The following GLUD1 variants were observed in gnomAD, a reference collection of about 807,000 sequenced individuals.
GLUD1 encodes glutamate dehydrogenase 1, mitochondrial.
GLUD1 carries 22 observed loss-of-function variants against 56.0 expected under a neutral mutation model. The ratio of observed to expected loss-of-function variants is 0.39; its 90% CI spans 0.28 to 0.56. The LOEUF is 0.56. Among genes scored for constraint, GLUD1 ranks in the 20% least tolerant of loss-of-function variants. The pLI, the probability that GLUD1 is intolerant of heterozygous loss-of-function variation, is 0.58. For missense variants in GLUD1, 451 were observed against 732.0 expected (o/e 0.62, Z 4.43); for synonymous variants, 223 against 269.9 (o/e 0.83, Z 1.70).
At chr10:87,053,231 T>C (rs1292028943) in intron 12 of GLUD1, 111 bp downstream of exon 12, 12 of 769,760 alleles carry the variant, frequency 1.6e-5, no homozygotes, top group Non-Finnish European at 2.6e-5. Flanking sequence ...ATGAGGACCA[T>C]TGAACAGATT....
chr10:87,073,345 G>A (rs1312440897), intron 4 of GLUD1, among the ~76,000 whole-genome samples: 1 of 151,858 alleles, frequency 6.6e-6, no homozygotes, highest in African/African-American at 2.4e-5. Context: ...GTAGAGATGG[G>A]GTCTTGTAAT....
At chr10:87,092,585 C>T in intron 1 of GLUD1, 1 of 964,690 alleles carries the variant, frequency 1.0e-6, no homozygotes, top group Non-Finnish European at 1.2e-6. Context: ...GACTCACAAA[C>T]TATGGTAAAC....
chr10:87,075,937 A>C, intron 3 of GLUD1, 31 bp downstream of exon 3: 1 of 1,410,182 alleles, frequency 7.1e-7, no homozygotes, highest in Non-Finnish European at 1.0e-6. Flanking sequence ...CAACAACAAC[A>C]ATAAAAAACA....
At chr10:87,070,535 G>A (rs1324855229) in intron 4 of GLUD1, among the ~76,000 whole-genome samples, 3 of 152,170 alleles carry the variant, frequency 2.0e-5, no homozygotes, top group East Asian at 1.9e-4. Flanking sequence ...GGAGGCAGAC[G>A]TTGCAGTGAG....
At chr10:87,086,907 A>T (rs1246726358) in intron 1 of GLUD1, among the ~76,000 whole-genome samples, 7 of 152,086 alleles carry the variant, frequency 4.6e-5, no homozygotes, top group Non-Finnish European at 1.0e-4. Flanking sequence ...GGTTTTCCAC[A>T]CTAAGCAGTT....
At chr10:87,071,828 A>G (rs1846246363) in intron 4 of GLUD1, among the ~76,000 whole-genome samples, 1 of 152,248 alleles carries the variant, frequency 6.6e-6, no homozygotes. Flanking sequence ...GTCACTTACA[A>G]TAGCATTAAA....
In GLUD1 at chr10:87,051,435, A is replaced by G. The variant is rs1487424579; in HGVS notation, c.*316T>C. The G allele has an allele frequency of 2.4e-6, 1 of 424,350 alleles. No homozygotes were observed. Among genetic ancestry groups the G allele is most frequent in the Non-Finnish European group, 4.6e-6 (1 of 217,834 alleles). The allele number at this position is 424,350 out of a possible 1,614,324, so 26.3% of individuals were successfully genotyped here. ...CTGCTCTTGACTGTTCCTCCCCAGC[A>G]CTAGCACTGATTGTGTTGGGAAAAG... On this transcript the variant is annotated 3_prime_UTR_variant, in exon 13 of 13. Transcript: ENST00000277865.
Position 87,062,661 on chromosome 10 carries a change from C to T in GLUD1, c.916G>A (p.Val306Ile). The T allele has an allele frequency of 6.2e-7, 1 of 1,612,988 alleles. No individual in the cohort carries two copies. The highest frequency in any genetic ancestry group is 1.7e-4 in the Middle Eastern group (1 of 6,058). The change falls in exon 6 of 13, where the codon GTT becomes ATT. Residue 306 changes from valine (V) to isoleucine (I), a missense_variant. Coordinates refer to ENST00000277865, the MANE Select transcript of GLUD1 (RefSeq NM_005271.5). ...TPGFGDKTFV[V>I]QGFGNVGLHS... Reference sequence around the variant, plus strand: ...TTTTTTGTTTTTGTTTTTACCTGAACAACAAATGTTTTATCTCCAAACCCT... The same window carrying T: ...TTTTTTGTTTTTGTTTTTACCTGAATAACAAATGTTTTATCTCCAAACCCT...
chr10:87,060,071 A>G lies in GLUD1; in HGVS notation c.1278+90T>C, dbSNP rs935406893. On this transcript the variant is annotated intron_variant, in intron 9 of 12. Transcript: ENST00000277865. ...AAGATGAATTCACTAGAGCTTGGAG[A>G]CTAATAATTCCTCTCTTCCTCCAAA... is the stretch of plus-strand genomic sequence containing the variant. The G allele has an allele frequency of 3.6e-6, 3 of 842,772 alleles. No homozygotes were observed. In the African/African-American group the frequency reaches 5.0e-5, roughly 14 times the overall value. The allele number at this position is 842,772 out of a possible 1,614,324, so 52.2% of individuals were successfully genotyped here.
Position 87,053,209 on chromosome 10 carries a change from T to C in GLUD1, c.1557+133A>G, listed in dbSNP as rs1229319414. On this transcript the variant is annotated intron_variant, in intron 12 of 12. Coordinates refer to ENST00000277865, the MANE Select transcript of GLUD1 (RefSeq NM_005271.5). ...TCTGAGACTGAAAAAACATGTGTTT[T>C]GCTACACACAAATGAGGACCATTGA... 3 of 712,908 alleles carry C rather than the reference T, an allele frequency of 4.2e-6. No individual in the cohort carries two copies. The African/African-American group carries it at 5.2e-5, about 12-fold the overall frequency. 44.2% of individuals were successfully genotyped at this position (712,908 alleles called of 1,614,324 possible).
chr10:87,066,891 G>T (rs978042385), intron 5 of GLUD1, among the ~76,000 whole-genome samples: 1 of 152,168 alleles, frequency 6.6e-6, no homozygotes, highest in African/African-American at 2.4e-5. Flanking sequence ...CTCATGTTCA[G>T]TTCTGTGGTA....
chr10:87,070,084 T>C, intron 4 of GLUD1, among the ~76,000 whole-genome samples: 1 of 152,262 alleles, frequency 6.6e-6, no homozygotes, highest in East Asian at 1.9e-4. Flanking sequence ...GACAAATTGG[T>C]CCTGAATCTT....
chr10:87,063,115 T>C (rs190345734), intron 5 of GLUD1, among the ~76,000 whole-genome samples: 183 of 151,898 alleles, frequency 1.2e-3, no homozygotes, highest in African/African-American at 4.2e-3. Context: ...CTCTTGTTGC[T>C]CAGGCTGGAG....
chr10:87,076,159 C>T, intron 2 of GLUD1, 136 bp from the exon 3 acceptor site: 1 of 742,400 alleles, frequency 1.3e-6, no homozygotes, highest in East Asian at 2.5e-5. Flanking sequence ...AACCTACCAT[C>T]ATTTTCTAAA....
At chr10:87,080,367 A>G (rs1841188712) in intron 1 of GLUD1, among the ~76,000 whole-genome samples, 1 of 151,704 alleles carries the variant, frequency 6.6e-6, no homozygotes, top group South Asian at 2.1e-4. Flanking sequence ...CACCCCGTCT[A>G]GGAAGTGAGG....
chr10:87,070,948 T>C (rs1398238781), intron 4 of GLUD1, among the ~76,000 whole-genome samples: 1 of 151,648 alleles, frequency 6.6e-6, no homozygotes, highest in Non-Finnish European at 1.5e-5. Flanking sequence ...GCTAACACAG[T>C]GAAACCCTGT....
chr10:87,077,744 T>C (rs1188064631), intron 1 of GLUD1, among the ~76,000 whole-genome samples: 2 of 151,454 alleles, frequency 1.3e-5, no homozygotes, highest in African/African-American at 4.9e-5. Flanking sequence ...CTGAGTGGGG[T>C]TGATGTTTGA....
chr10:87,060,541 A>G, intron 8 of GLUD1, 147 bp downstream of exon 8: 1 of 1,032,052 alleles, frequency 9.7e-7, no homozygotes, highest in Non-Finnish European at 1.5e-6. Flanking sequence ...TAAATTATGT[A>G]CCTTAAATGG....
intron 2 of GLUD1, among the ~76,000 whole-genome samples, 164 bp from the exon 3 acceptor site, chr10:87,076,187 T>C (rs181967056): frequency 4.7e-4 from 72 of 152,334 alleles, no homozygotes; most frequent in African/African-American, 1.6e-3. Flanking sequence ...TTAAACAACA[T>C]TTTGTTGAAC....
Sources: allele counts gnomAD v4.1 joint callset (sites outside exome capture counted in the v4.1 genomes callset), GRCh38; gene constraint gnomAD v4.1.1; transcripts MANE v1.5; gene names NCBI Gene and HGNC (gene_info 2026-07-23, HGNC 2026-07-21).